The following FOCAD variants were observed in gnomAD, a reference collection of about 807,000 sequenced individuals.
FOCAD encodes the protein focadhesin.
A neutral mutation model predicts 225.6 loss-of-function variants in FOCAD; 198 were observed. That is an observed-to-expected ratio of 0.88 (90% CI 0.78 to 0.99). The LOEUF (loss-of-function observed/expected upper bound fraction) is 0.99. Among genes scored for constraint, FOCAD ranks in the 50% least tolerant of loss-of-function variants. The pLI is 0.00. For synonymous variants in FOCAD, 897 were observed against 755.0 expected, an observed-to-expected ratio of 1.19 and a Z score of -3.08; for missense variants, 2,713 against 2,123.6, an observed-to-expected ratio of 1.28 and a Z score of -5.46.
chr9:20,943,771 T>A (rs2132314871), intron 28 of FOCAD, among the ~76,000 whole-genome samples: 1 of 152,302 alleles, frequency 6.6e-6, no homozygotes, highest in African/African-American at 2.4e-5. Context: ...TAAGGGTGAT[T>A]TCTGAAAAAA....
At chr9:20,791,602 A>G (rs1820545990) in intron 11 of FOCAD, among the ~76,000 whole-genome samples, 1 of 152,206 alleles carries the variant, frequency 6.6e-6, no homozygotes. Flanking sequence ...AATTAGCTGG[A>G]AGCCCAAAGC....
chr9:20,777,044 A>C (rs1275339396), intron 8 of FOCAD, among the ~76,000 whole-genome samples: 2 of 152,190 alleles, frequency 1.3e-5, no homozygotes, highest in Non-Finnish European at 2.9e-5. Flanking sequence ...ATAGATTGGA[A>C]TATATCCCAT....
At chr9:20,943,238 T>C (rs1402865369) in intron 28 of FOCAD, among the ~76,000 whole-genome samples, 1 of 152,210 alleles carries the variant, frequency 6.6e-6, no homozygotes, top group Non-Finnish European at 1.5e-5. Context: ...GCTTGTTAAG[T>C]TTACGAAGCT....
At chr9:20,926,472 A>G (rs925897242) in intron 26 of FOCAD, 55 bp downstream of exon 26, 33 of 1,135,308 alleles carry the variant, frequency 2.9e-5, no homozygotes, top group Middle Eastern at 2.0e-4. Context: ...CTCTTATGAC[A>G]TCAGTTGGTC....
chr9:20,824,304 A>C (rs1296929927), intron 15 of FOCAD, among the ~76,000 whole-genome samples: 1 of 152,096 alleles, frequency 6.6e-6, no homozygotes, highest in African/African-American at 2.4e-5. Context: ...GAGAGAAGAA[A>C]GAATTCTAAA....
intron 18 of FOCAD, chr9:20,872,716 G>T (rs1255295782): frequency 6.6e-6 from 1 of 151,712 alleles, no homozygotes; most frequent in Admixed American, 6.6e-5. Context: ...AGTGGTTTTA[G>T]TATATTGAAA....
intron 35 of FOCAD, among the ~76,000 whole-genome samples, chr9:20,953,907 G>GA (rs1276038150): frequency 6.6e-6 from 1 of 152,122 alleles, no homozygotes; most frequent in Non-Finnish European, 1.5e-5. Context: ...AAAAAAACTG[G>GA]AAAAAATCTG....
chr9:20,794,592 G>A (rs4333699), intron 11 of FOCAD, among the ~76,000 whole-genome samples: 8 of 152,140 alleles, frequency 5.3e-5, no homozygotes, highest in African/African-American at 1.4e-4. Context: ...TGTTAGGACC[G>A]TCTGAAAGCT....
intron 6 of FOCAD, among the ~76,000 whole-genome samples, chr9:20,762,215 T>G (rs1016409709): frequency 5.3e-5 from 8 of 152,236 alleles, no homozygotes; most frequent in African/African-American, 1.9e-4. Flanking sequence ...AGGAAGTTTC[T>G]TAAATCTCTT....
At chr9:20,885,948 A>C (rs1298639796) in intron 21 of FOCAD, among the ~76,000 whole-genome samples, 1 of 152,258 alleles carries the variant, frequency 6.6e-6, no homozygotes, top group Non-Finnish European at 1.5e-5. Flanking sequence ...GTAAAAATAT[A>C]TGAATTGTAA....
intron 29 of FOCAD, 66 bp from the exon 30 acceptor site, chr9:20,946,635 C>T: frequency 3.9e-6 from 6 of 1,538,780 alleles, no homozygotes; most frequent in South Asian, 3.7e-5. Flanking sequence ...AATATCTTGT[C>T]AACTAAACCG....
chr9:20,682,624 T>G (rs1009463866), upstream of FOCAD, among the ~76,000 whole-genome samples: 7 of 152,124 alleles, frequency 4.6e-5, no homozygotes, highest in African/African-American at 1.7e-4. Flanking sequence ...AGAAAAAATA[T>G]TAAAATAGTC....
chr9:20,842,336 G>T (rs951412207), intron 15 of FOCAD, among the ~76,000 whole-genome samples: 5 of 151,302 alleles, frequency 3.3e-5, no homozygotes, highest in African/African-American at 1.2e-4. Flanking sequence ...CTGAAGGTGG[G>T]GTGTTGATGT....
Position 20,933,044 on chromosome 9 carries a change from T to C in FOCAD, c.3348T>C (p.Leu1116=). 1 of 1,614,014 alleles carries C rather than the reference T, an allele frequency of 6.2e-7. No homozygotes were observed. Among genetic ancestry groups the C allele is most frequent in the Non-Finnish European group, 8.5e-7 (1 of 1,179,902 alleles). Residue 1116 remains leucine, a synonymous_variant, in exon 28 of 44, where the codon CTT becomes CTC. Coordinates refer to ENST00000338382, the MANE Select transcript of FOCAD (RefSeq NM_001375567.1). ...SDISGQEMNL[L]LMKSLDALEN... Reference sequence around the variant, plus strand: ...TATCTGGCCAAGAGATGAACCTTCTTCTGATGAAGTCGTTGGATGCCCTGG... The same window carrying C: ...TATCTGGCCAAGAGATGAACCTTCTCCTGATGAAGTCGTTGGATGCCCTGG...
At chr9:20,794,186 T>C (rs1219992826) in intron 11 of FOCAD, among the ~76,000 whole-genome samples, 1 of 152,210 alleles carries the variant, frequency 6.6e-6, no homozygotes, top group African/African-American at 2.4e-5. Context: ...AACCAGAGCA[T>C]CTGTCTCTAG....
chr9:20,735,723 A>G (rs540940947), intron 4 of FOCAD, among the ~76,000 whole-genome samples: 3 of 146,076 alleles, frequency 2.1e-5, no homozygotes, highest in Non-Finnish European at 3.0e-5. Context: ...GGATCTCTCT[A>G]TATTGCTCAG....
At chr9:20,988,275 G>C in intron 40 of FOCAD, 57 bp from the exon 41 acceptor site, 2 of 1,103,596 alleles carry the variant, frequency 1.8e-6, no homozygotes, top group East Asian at 2.4e-5. Context: ...TTACTGATCT[G>C]TTTTACATTT....
chr9:20,718,910 T>C (rs1384246042), intron 3 of FOCAD, among the ~76,000 whole-genome samples: 1 of 152,164 alleles, frequency 6.6e-6, no homozygotes, highest in Admixed American at 6.6e-5. Flanking sequence ...CCTTTTGATA[T>C]TGTCAGTACA....
chr9:20,820,929 T>C lies in FOCAD; in HGVS notation c.1663-12T>C, dbSNP rs1377825328. 3.1e-6 allele frequency: 5 copies of C among 1,605,006 alleles called. No homozygotes were observed. Among genetic ancestry groups the C allele is most frequent in the African/African-American group, 1.3e-5 (1 of 74,370 alleles). On this transcript the variant is annotated splice_polypyrimidine_tract_variant and intron_variant, in intron 13 of 43. Coordinates refer to ENST00000338382, the MANE Select transcript of FOCAD (RefSeq NM_001375567.1). ...TTGGGAAACTACCTTTTTTGTAAAATTGCCTTCGTAGGACCGAGTCTATCC... is the reference window on the plus strand; with the variant it reads ...TTGGGAAACTACCTTTTTTGTAAAACTGCCTTCGTAGGACCGAGTCTATCC...
Sources: gnomAD v4.1 joint callset for allele counts (sites outside exome capture counted in the v4.1 genomes callset) on GRCh38, gnomAD v4.1.1 for gene constraint, MANE v1.5 for transcripts, NCBI Gene and HGNC (gene_info 2026-07-23, HGNC 2026-07-21) for gene names.